DHX58: variants seen among roughly 807,000 people sequenced by gnomAD.
The protein encoded by DHX58 is DExH-box helicase 58.
DHX58 carries 51 observed loss-of-function variants against 65.0 expected under a neutral mutation model. The observed-to-expected ratio is 0.78, with a 90% CI of 0.63 to 0.99. DHX58 has a LOEUF of 0.99. DHX58 is among the 50% of genes least tolerant of loss of function. The pLI, the probability that DHX58 is intolerant of heterozygous loss-of-function variation, is 0.00. For missense variants in DHX58, 773 were observed against 891.8 expected (o/e 0.87, Z 1.70); for synonymous variants, 350 against 365.0 (o/e 0.96, Z 0.47).
At chr17:42,107,929 G>A (rs782046283) in intron 7 of DHX58, 53 bp downstream of exon 7, 45 of 1,579,110 alleles carry the variant, frequency 2.8e-5, no homozygotes, top group Non-Finnish European at 3.8e-5. Flanking sequence ...GGCAGGCCCC[G>A]CCCCTGACCA....
chr17:42,103,944 G>A, intron 11 of DHX58, 146 bp from the exon 12 acceptor site: 3 of 922,132 alleles, frequency 3.3e-6, no homozygotes, highest in Non-Finnish European at 4.7e-6. Context: ...CTCTATTGCT[G>A]TGATGATGCA....
chr17:42,108,046 A>T lies in DHX58; in HGVS notation c.741T>A (p.Pro247=). The change falls in exon 7 of 14, where the codon CCT becomes CCA. Residue 247 remains proline (P), a synonymous_variant. Transcript: ENST00000251642. ...MDQIHDHLEM[P]ELSRKFGTQM... ...GCGTCCCAAATTTCCGGCTCAACTCAGGCATCTCCAGGTGGTCATGGATTT... is the reference window on the plus strand; with the variant it reads ...GCGTCCCAAATTTCCGGCTCAACTCTGGCATCTCCAGGTGGTCATGGATTT... 6.2e-7 allele frequency: 1 copy of T among 1,614,202 alleles called. No homozygotes were observed. The highest frequency in any genetic ancestry group is 8.5e-7 in the Non-Finnish European group (1 of 1,180,040).
At chr17:42,108,232 G>A (rs1467704290) in intron 6 of DHX58, 124 bp from the exon 7 acceptor site, 1 of 1,450,412 alleles carries the variant, frequency 6.9e-7, no homozygotes. Context: ...GCTGTGGTGT[G>A]AGCTCCAGAG....
rs555291603 is a variant in DHX58, at chr17:42,106,560, G to C, written c.998-571C>G. ...CGCCTGTAATCCCAGCACTTTGGGAGGGTGAGGTGAGCGGATCACCTGAGG... is the reference window on the plus strand; with the variant it reads ...CGCCTGTAATCCCAGCACTTTGGGACGGTGAGGTGAGCGGATCACCTGAGG... On this transcript the variant is annotated intron_variant, in intron 8 of 13. Coordinates refer to ENST00000251642, the MANE Select transcript of DHX58 (RefSeq NM_024119.3). Among the ~76,000 whole-genome samples, 3 of 152,224 alleles carry C rather than the reference G, an allele frequency of 2.0e-5. No homozygotes were observed. In the East Asian group the frequency reaches 5.8e-4, roughly 29 times the overall value.
intron 12 of DHX58, 62 bp from the exon 13 acceptor site, chr17:42,102,374 C>T: frequency 6.9e-7 from 1 of 1,458,152 alleles, no homozygotes; most frequent in Admixed American, 1.7e-5. Flanking sequence ...GATCTCATGC[C>T]CTCCTGCCGG....
intron 11 of DHX58, among the ~76,000 whole-genome samples, chr17:42,104,246 A>G (rs1236084168): frequency 6.6e-6 from 1 of 151,228 alleles, no homozygotes; most frequent in Non-Finnish European, 1.5e-5. Context: ...AAACAGTATG[A>G]GTAGTCGGGG....
At chr17:42,104,725 C>T in intron 11 of DHX58, 41 bp downstream of exon 11, 2 of 1,605,898 alleles carry the variant, frequency 1.2e-6, no homozygotes, top group Middle Eastern at 1.7e-4. Context: ...GGGCTCCCTC[C>T]TCCCCATCCC....
intron 5 of DHX58, among the ~76,000 whole-genome samples, chr17:42,110,228 C>T (rs924219960): frequency 2.0e-5 from 3 of 150,988 alleles, no homozygotes; most frequent in Admixed American, 6.6e-5. Flanking sequence ...CCTTGCAGAG[C>T]GCATTAACAA....
chr17:42,110,168 C>G (rs2054127109), intron 5 of DHX58, among the ~76,000 whole-genome samples: 2 of 130,180 alleles, frequency 1.5e-5, no homozygotes, highest in South Asian at 2.4e-4. Flanking sequence ...GCCTGGGCGA[C>G]AGAGTGAGAC....
chr17:42,101,824 G>A lies in DHX58; in HGVS notation c.1974C>T (p.Ser658=), dbSNP rs376269986. The A allele has an allele frequency of 5.6e-6, 9 of 1,614,132 alleles. No individual in the cohort carries two copies. Among genetic ancestry groups the A allele is most frequent in the South Asian group, 3.3e-5 (3 of 91,092 alleles). Residue 658 remains serine, a synonymous_variant, in exon 14 of 14, where the codon TCC becomes TCT. Transcript: ENST00000251642. ...QAKKWSRVPF[S]VPDFDFLQHC... ...GCTGCAGGAAGTCAAAGTCAGGCAC[G>A]GAGAAGGGCACGCGGGACCACTTTT...
chr17:42,105,790 C>A lies in DHX58; in HGVS notation c.1197G>T (p.Arg399=). The change falls in exon 9 of 14, where the codon CGG becomes CGT. Residue 399 remains arginine, a synonymous_variant. Transcript: ENST00000251642. Reference sequence around the variant, plus strand: ...TCCCAGCCCCAATCAGTAGCTGGGCCCGGATGTCCACAGTCTGCAGGCCCT... The same window carrying A: ...TCCCAGCCCCAATCAGTAGCTGGGCACGGATGTCCACAGTCTGCAGGCCCT... ...QQQGLQTVDI[R]AQLLIGAGNS... is the part of the protein sequence containing the mutation. The A allele has an allele frequency of 6.2e-7, 1 of 1,612,086 alleles. No individual in the cohort carries two copies. Among genetic ancestry groups the A allele is most frequent in the South Asian group, 1.1e-5 (1 of 90,858 alleles).
At position 42,102,196 on chromosome 17, in the gene DHX58, G is replaced by T. The variant is rs782712379; in HGVS notation, c.1851+20C>A. On this transcript the variant is annotated intron_variant, in intron 13 of 13. Coordinates refer to ENST00000251642, the MANE Select transcript of DHX58 (RefSeq NM_024119.3). The stretch of plus-strand genomic sequence containing the variant: ...TGGGGCTGAGGACTCTGGGGCCTGG[G>T]ACGTGGCCTAAGCTCTTACCTCCCC... 1 of 1,613,362 alleles carries T rather than the reference G, an allele frequency of 6.2e-7. No individual in the cohort carries two copies. The highest frequency in any genetic ancestry group is 2.2e-5 in the East Asian group (1 of 44,874).
rs924030454 is a variant in DHX58, at chr17:42,104,005, C to G, written c.1564-207G>C. Among the ~76,000 whole-genome samples the G allele has an allele frequency of 3.3e-5, 5 of 152,270 alleles. No homozygotes were observed. The South Asian group carries it at 1.0e-3, about 32-fold the overall frequency. ...TTTTGGGAGGCCAAGGCGGGTGGAT[C>G]ACGAGGTCAGGAGTTCGAGACCAGC... On this transcript the variant is annotated intron_variant, in intron 11 of 13. Transcript: ENST00000251642.
chr17:42,109,436 T>C, intron 5 of DHX58, 50 bp from the exon 6 acceptor site: 3 of 1,516,438 alleles, frequency 2.0e-6, no homozygotes, highest in Non-Finnish European at 2.7e-6. Flanking sequence ...GTGGGGACAA[T>C]GGTCAAAGAT....
chr17:42,108,897 A>T (rs145332697), intron 6 of DHX58, among the ~76,000 whole-genome samples: 60 of 152,352 alleles, frequency 3.9e-4, no homozygotes, highest in African/African-American at 1.2e-3. Context: ...CCCAAGTGTA[A>T]CATTTGGTAT....
At chr17:42,105,650 A>G in intron 9 of DHX58, 86 bp downstream of exon 9, 1 of 1,479,322 alleles carries the variant, frequency 6.8e-7, no homozygotes. Flanking sequence ...CCCTGCCCCC[A>G]CCTCTCTGTG....
chr17:42,102,435 C>A (rs2053993843), intron 12 of DHX58, 123 bp from the exon 13 acceptor site: 6 of 786,108 alleles, frequency 7.6e-6, no homozygotes, highest in Admixed American at 2.1e-5. Context: ...GAGGCACAGA[C>A]TTCCCAGGCC....
rs1555664306 is a variant in DHX58 at position 42,111,601 on chromosome 17, G to A, written c.169-104C>T. 1.9e-6 allele frequency: 3 copies of A among 1,573,318 alleles called. No homozygotes were observed. In the East Asian group the frequency reaches 6.8e-5, roughly 35 times the overall value. ...ACATGGCTGGGTACTGAGCCAGGGT[G>A]GAAAGACAGGTGAGCTTAGCGATGG... On this transcript the variant is annotated intron_variant, in intron 3 of 13. Coordinates refer to ENST00000251642, the MANE Select transcript of DHX58 (RefSeq NM_024119.3).
intron 8 of DHX58, among the ~76,000 whole-genome samples, chr17:42,107,386 A>G (rs1375221419): frequency 6.6e-6 from 1 of 151,586 alleles, no homozygotes; most frequent in African/African-American, 2.4e-5. Context: ...AAAAAAAGTC[A>G]ACAATGTTAA....
Sources: gnomAD v4.1 joint callset for allele counts (sites outside exome capture counted in the v4.1 genomes callset) on GRCh38, gnomAD v4.1.1 for gene constraint, MANE v1.5 for transcripts, NCBI Gene and HGNC (gene_info 2026-07-23, HGNC 2026-07-21) for gene names.